Variants in LSAMP observed in about 807,000 individuals in gnomAD.
The protein encoded by LSAMP is limbic system-associated membrane protein.
Under a neutral mutation model 38.6 loss-of-function variants are expected in LSAMP, and 7 were observed. The observed-to-expected ratio is 0.18, with a 90% CI of 0.10 to 0.34. The LOEUF is 0.34. Ranked by LOEUF, LSAMP falls within the 10% of genes least tolerant of loss-of-function variation. The pLI is 1.00. For synonymous variants in LSAMP, 154 were observed against 166.8 expected (o/e 0.92, Z 0.59); for missense variants, 313 against 420.0 (o/e 0.75, Z 2.23).
At chr3:115,896,849 A>G (rs1293760830) in intron 3 of LSAMP, among the ~76,000 whole-genome samples, 3 of 151,984 alleles carry the variant, frequency 2.0e-5, no homozygotes, top group Non-Finnish European at 2.9e-5. Context: ...TATGGTCATG[A>G]TTCATAAGTG....
chr3:116,302,158 G>T (rs2047418902), intron 1 of LSAMP, among the ~76,000 whole-genome samples: 1 of 152,180 alleles, frequency 6.6e-6, no homozygotes, highest in African/African-American at 2.4e-5. Context: ...AGATCCACTT[G>T]TTATGGTAAT....
chr3:116,439,481 A>C (rs576207858), intron 1 of LSAMP, among the ~76,000 whole-genome samples: 1 of 152,204 alleles, frequency 6.6e-6, no homozygotes, highest in East Asian at 1.9e-4. Flanking sequence ...ATGGAGGTCA[A>C]GCAATCTGCT....
At chr3:116,045,547 A>T (rs1941271995) in intron 2 of LSAMP, among the ~76,000 whole-genome samples, 1 of 151,092 alleles carries the variant, frequency 6.6e-6, no homozygotes, top group Middle Eastern at 3.4e-3. Context: ...GTGGTAAAAA[A>T]AAAAAAAAAA....
At chr3:115,934,530 G>A (rs1409948357) in intron 3 of LSAMP, among the ~76,000 whole-genome samples, 1 of 152,038 alleles carries the variant, frequency 6.6e-6, no homozygotes, top group African/African-American at 2.4e-5. Context: ...AAAATCTTAT[G>A]TAAAATACAT....
In LSAMP at chr3:116,172,836, C is replaced by T. The variant is rs76164146; in HGVS notation, c.156-86280G>A. 4.9e-4 allele frequency among the ~76,000 whole-genome samples: 75 copies of T among 152,022 alleles called. No homozygotes were observed. In the East Asian group the frequency reaches 0.014, roughly 28 times the overall value. ...GATAACCTAAAGGTAAGGGTTGGTT[C>T]ACTTATATTGGCATTGTTGAGTGAA... On this transcript the variant is annotated intron_variant, in intron 1 of 6. Coordinates refer to ENST00000490035, the MANE Select transcript of LSAMP (RefSeq NM_002338.5).
In LSAMP at chr3:116,283,288, C is replaced by T. The variant is rs148291993; in HGVS notation, c.155+161589G>A. On this transcript the variant is annotated intron_variant, in intron 1 of 6. Transcript: ENST00000490035. ...TTGAAGTACCTAGTTACGTGTTCAT[C>T]GGTGCTATTTGAAGAAATATATGAT... Among the ~76,000 whole-genome samples, 79 of 152,176 alleles carry T rather than the reference C, an allele frequency of 5.2e-4. 1 individual carries two copies. Among genetic ancestry groups the T allele is most frequent in the African/African-American group, 1.6e-3 (67 of 41,506 alleles).
intron 3 of LSAMP, among the ~76,000 whole-genome samples, chr3:115,885,433 T>G (rs1170252615): frequency 9.2e-5 from 14 of 151,932 alleles, no homozygotes; most frequent in Non-Finnish European, 2.9e-5. Context: ...TATATTACAA[T>G]TTCATGGTTA....
chr3:115,954,779 A>G (rs1234629441), intron 3 of LSAMP, among the ~76,000 whole-genome samples: 1 of 152,150 alleles, frequency 6.6e-6, no homozygotes, highest in Non-Finnish European at 1.5e-5. Flanking sequence ...AGGCTTTTAA[A>G]ATAGCTCCAT....
chr3:115,891,207 A>G (rs1936590935), intron 3 of LSAMP, among the ~76,000 whole-genome samples: 1 of 151,958 alleles, frequency 6.6e-6, no homozygotes, highest in African/African-American at 2.4e-5. Flanking sequence ...CCATCCATGT[A>G]TACATATTCA....
intron 1 of LSAMP, among the ~76,000 whole-genome samples, chr3:116,178,408 T>A (rs1367653621): frequency 1.3e-5 from 2 of 152,146 alleles, no homozygotes; most frequent in Non-Finnish European, 2.9e-5. Context: ...CCTCAAGTGA[T>A]CTGCCCACCT....
chr3:115,954,905 T>C (rs976533610), intron 3 of LSAMP, among the ~76,000 whole-genome samples: 2 of 152,096 alleles, frequency 1.3e-5, no homozygotes, highest in Non-Finnish European at 2.9e-5. Flanking sequence ...TGCTTGAATT[T>C]GACACCACCC....
chr3:116,032,390 G>A (rs1940946528), intron 2 of LSAMP, among the ~76,000 whole-genome samples: 1 of 152,112 alleles, frequency 6.6e-6, no homozygotes, highest in Non-Finnish European at 1.5e-5. Flanking sequence ...GGACAACTGA[G>A]GCTCAGTGAG....
At chr3:116,357,304 C>A (rs1298231390) in intron 1 of LSAMP, among the ~76,000 whole-genome samples, 1 of 152,046 alleles carries the variant, frequency 6.6e-6, no homozygotes, top group African/African-American at 2.4e-5. Context: ...AATGAAAACG[C>A]TGTTTTATTA....
intron 3 of LSAMP, among the ~76,000 whole-genome samples, chr3:115,945,330 G>A (rs770674813): frequency 6.6e-6 from 1 of 152,072 alleles, no homozygotes; most frequent in Non-Finnish European, 1.5e-5. Context: ...GATTAATCTA[G>A]GTCAGAGCTT....
chr3:115,951,793 T>A (rs1186685257), intron 3 of LSAMP, among the ~76,000 whole-genome samples: 1 of 152,264 alleles, frequency 6.6e-6, no homozygotes, highest in African/African-American at 2.4e-5. Flanking sequence ...GCAGATGGCC[T>A]ACTGTGGGAC....
At chr3:115,921,454 C>T (rs965252382) in intron 3 of LSAMP, among the ~76,000 whole-genome samples, 4 of 152,066 alleles carry the variant, frequency 2.6e-5, no homozygotes, top group African/African-American at 7.2e-5. Flanking sequence ...CATTTCTCCC[C>T]TCCACACATA....
chr3:116,175,180 A>G (rs765409359), intron 1 of LSAMP, among the ~76,000 whole-genome samples: 2 of 151,976 alleles, frequency 1.3e-5, no homozygotes, highest in Non-Finnish European at 2.9e-5. Context: ...TATTCAAAAT[A>G]TTTTTTTAGA....
intron 1 of LSAMP, among the ~76,000 whole-genome samples, chr3:116,268,625 G>T (rs2046926086): frequency 6.6e-6 from 1 of 151,882 alleles, no homozygotes; most frequent in Non-Finnish European, 1.5e-5. Context: ...TCCCCCTTTG[G>T]TTAGACCTCA....
In LSAMP at chr3:116,232,230, C is replaced by T. The variant is rs550398765; in HGVS notation, c.156-145674G>A. ...ATCTTTGGGAGTACTAAAATGAGTC[C>T]TCCAAATTCTACAGCCATCCTATGT... On this transcript the variant is annotated intron_variant, in intron 1 of 6. Coordinates refer to ENST00000490035, the MANE Select transcript of LSAMP (RefSeq NM_002338.5). Among the ~76,000 whole-genome samples the T allele has an allele frequency of 2.0e-5, 3 of 152,244 alleles. No homozygotes were observed. The East Asian group carries it at 5.8e-4, about 29-fold the overall frequency.
Sources: gnomAD v4.1 joint callset for allele counts (sites outside exome capture counted in the v4.1 genomes callset) on GRCh38, gnomAD v4.1.1 for gene constraint, MANE v1.5 for transcripts, NCBI Gene and HGNC (gene_info 2026-07-23, HGNC 2026-07-21) for gene names.